Variants in CHRNA7 observed in about 807,000 individuals in gnomAD.
CHRNA7 encodes neuronal acetylcholine receptor subunit alpha-7.
A neutral mutation model predicts 48.0 loss-of-function variants in CHRNA7; 17 were observed. The observed-to-expected ratio is 0.35, with a 90% CI of 0.24 to 0.53. The LOEUF (loss-of-function observed/expected upper bound fraction) is 0.53, where lower values mean the gene tolerates loss of function less well. Among genes scored for constraint, CHRNA7 ranks in the 20% least tolerant of loss-of-function variants. The pLI is 0.92. For synonymous variants in CHRNA7, 75 were observed against 242.3 expected (o/e 0.31, Z 6.41); for missense variants, 155 against 577.7 (o/e 0.27, Z 7.50).
At chr15:32,047,672 C>A (rs1228057519) in intron 2 of CHRNA7, among the ~76,000 whole-genome samples, 1 of 152,102 alleles carries the variant, frequency 6.6e-6, no homozygotes, top group African/African-American at 2.4e-5. Context: ...TTTCCTTCTC[C>A]TGCCTGATTG....
At chr15:32,118,989 CAAAA>C (rs66493443) in intron 4 of CHRNA7, among the ~76,000 whole-genome samples, 2 of 132,948 alleles carry the variant, frequency 1.5e-5, no homozygotes, top group Non-Finnish European at 3.2e-5. Flanking sequence ...CTTCGAAATG[CAAAA>C]AAAAAAAAAA....
intron 4 of CHRNA7, among the ~76,000 whole-genome samples, chr15:32,141,619 C>T (rs867864023): frequency 2.0e-5 from 3 of 152,150 alleles, no homozygotes; most frequent in Admixed American, 6.5e-5. Context: ...TTGTAGTTCT[C>T]CTTGAAGAGG....
chr15:32,044,027 C>G (rs8024987), intron 2 of CHRNA7, among the ~76,000 whole-genome samples: 32,827 of 152,168 alleles, frequency 0.22, 4,745 homozygotes, highest in South Asian at 0.4. Context: ...CAGTACTTCT[C>G]TTAAGAGGTC....
chr15:32,043,331 T>A (rs2049481068), intron 2 of CHRNA7, among the ~76,000 whole-genome samples: 1 of 152,114 alleles, frequency 6.6e-6, no homozygotes, highest in African/African-American at 2.4e-5. Flanking sequence ...TTTGATAATC[T>A]TTGTATTTTA....
chr15:32,115,698 G>A (rs998678152), intron 4 of CHRNA7, among the ~76,000 whole-genome samples: 1 of 152,146 alleles, frequency 6.6e-6, no homozygotes, highest in Non-Finnish European at 1.5e-5. Context: ...ACGTAGAAAA[G>A]GATTCCTGTC....
chr15:32,121,930 C>T (rs1254032300), intron 4 of CHRNA7, among the ~76,000 whole-genome samples: 2 of 152,182 alleles, frequency 1.3e-5, no homozygotes, highest in African/African-American at 2.4e-5. Flanking sequence ...TAAGGAATTG[C>T]CACCAGTCCA....
chr15:32,037,434 T>G (rs1256391924), intron 2 of CHRNA7, among the ~76,000 whole-genome samples: 1 of 152,202 alleles, frequency 6.6e-6, no homozygotes, highest in Non-Finnish European at 1.5e-5. Flanking sequence ...TCTATAAACT[T>G]TATAATTGCT....
intron 2 of CHRNA7, among the ~76,000 whole-genome samples, chr15:32,058,585 C>G (rs1239041034): frequency 6.6e-6 from 1 of 152,102 alleles, no homozygotes. Flanking sequence ...AACTTAGTCT[C>G]AAATAGAGGA....
At chr15:32,074,772 C>G (rs760749231) in intron 2 of CHRNA7, among the ~76,000 whole-genome samples, 1 of 151,632 alleles carries the variant, frequency 6.6e-6, no homozygotes, top group South Asian at 2.1e-4. Context: ...CTCAGGCTCC[C>G]GAGTAGTTGG....
intron 2 of CHRNA7, among the ~76,000 whole-genome samples, chr15:32,084,393 G>GT (rs1447322118): frequency 2.6e-5 from 4 of 152,216 alleles, no homozygotes; most frequent in African/African-American, 9.6e-5. Flanking sequence ...TCTCTCACCA[G>GT]TGTGTTCCTC....
intron 2 of CHRNA7, among the ~76,000 whole-genome samples, chr15:32,055,740 G>A (rs2049776063): frequency 6.6e-6 from 1 of 152,166 alleles, no homozygotes; most frequent in Admixed American, 6.5e-5. Context: ...AGCACTTTGG[G>A]AGGCCGAGGC....
rs1595474513 is a variant in CHRNA7, at chr15:32,124,301, A to C, written c.350+12402A>C. 2.0e-5 allele frequency among the ~76,000 whole-genome samples: 3 copies of C among 152,210 alleles called. No homozygotes were observed. The East Asian group carries it at 5.8e-4, about 29-fold the overall frequency. On this transcript the variant is annotated intron_variant, in intron 4 of 9. Transcript: ENST00000306901. ...ATACGTAAAAAGGGACAAAATGAATATTTTATATTGATTAAAGGAAAATTT... is the reference window on the plus strand; with the variant it reads ...ATACGTAAAAAGGGACAAAATGAATCTTTTATATTGATTAAAGGAAAATTT...
intron 2 of CHRNA7, among the ~76,000 whole-genome samples, chr15:32,082,492 G>C (rs999285476): frequency 6.6e-6 from 1 of 151,982 alleles, no homozygotes; most frequent in African/African-American, 2.4e-5. Flanking sequence ...ATGTTTTAGA[G>C]AACAACTCAG....
At chr15:32,084,265 G>T (rs560649895) in intron 2 of CHRNA7, among the ~76,000 whole-genome samples, 1 of 152,270 alleles carries the variant, frequency 6.6e-6, no homozygotes, top group Non-Finnish European at 1.5e-5. Flanking sequence ...ACTAAGAATT[G>T]GTAGGAGGGG....
chr15:32,032,180 T>A lies in CHRNA7; in HGVS notation c.195+1143T>A, dbSNP rs370896323. ...CTCGCCTCAAATGTGTTCTTCCTCC[T>A]ACAGACAGAATCATGCTTTAAAATA... On this transcript the variant is annotated intron_variant, in intron 2 of 9. Transcript: ENST00000306901. 2.4e-4 allele frequency among the ~76,000 whole-genome samples: 36 copies of A among 152,348 alleles called. No individual in the cohort carries two copies. The South Asian group carries it at 7.3e-3, about 31-fold the overall frequency.
intron 2 of CHRNA7, among the ~76,000 whole-genome samples, chr15:32,055,071 T>G (rs1435239042): frequency 6.6e-6 from 1 of 152,246 alleles, no homozygotes; most frequent in Non-Finnish European, 1.5e-5. Flanking sequence ...TCTATTAAAT[T>G]TACCATTCTA....
intron 2 of CHRNA7, among the ~76,000 whole-genome samples, chr15:32,053,435 G>C (rs369755364): frequency 1.3e-5 from 2 of 152,286 alleles, no homozygotes; most frequent in East Asian, 1.9e-4. Context: ...TCTACTTGCA[G>C]TTCCCATGCT....
At chr15:32,041,434 A>G (rs972075878) in intron 2 of CHRNA7, among the ~76,000 whole-genome samples, 1 of 152,232 alleles carries the variant, frequency 6.6e-6, no homozygotes, top group Admixed American at 6.5e-5. Context: ...GAAATTCACA[A>G]TAGGGTTTGT....
intron 2 of CHRNA7, among the ~76,000 whole-genome samples, chr15:32,044,921 T>C (rs894936535): frequency 1.5e-4 from 23 of 152,250 alleles, no homozygotes; most frequent in African/African-American, 4.6e-4. Context: ...TTTGCGGCAA[T>C]TCCCATTACT....
Sources: gnomAD v4.1 joint callset for allele counts (sites outside exome capture counted in the v4.1 genomes callset) on GRCh38, gnomAD v4.1.1 for gene constraint, MANE v1.5 for transcripts, NCBI Gene and HGNC (gene_info 2026-07-23, HGNC 2026-07-21) for gene names.